Variants in NRXN1 observed in about 807,000 individuals in gnomAD.
NRXN1 encodes the protein neurexin 1.
In NRXN1, 39 loss-of-function variants were observed where a neutral mutation model predicts 150.9. The ratio of observed to expected loss-of-function variants is 0.26; its 90% CI spans 0.20 to 0.34. The LOEUF is 0.34. Ranked by LOEUF, NRXN1 falls within the 10% of genes least tolerant of loss-of-function variation. The pLI is 1.00. For missense variants in NRXN1, 1,815 were observed against 1,949.9 expected (o/e 0.93, Z 1.30); for synonymous variants, 924 against 757.0 (o/e 1.22, Z -3.62).
intron 18 of NRXN1, among the ~76,000 whole-genome samples, chr2:50,116,818 G>A (rs1703135506): frequency 6.6e-6 from 1 of 152,070 alleles, no homozygotes; most frequent in South Asian, 2.1e-4. Flanking sequence ...CTCAAATACT[G>A]GACTTTAACT....
At chr2:50,083,982 G>T (rs554426394) in intron 19 of NRXN1, among the ~76,000 whole-genome samples, 1 of 152,202 alleles carries the variant, frequency 6.6e-6, no homozygotes, top group Non-Finnish European at 1.5e-5. Flanking sequence ...GTGCCGATTG[G>T]TGTATTCACA....
chr2:50,654,538 C>T (rs1301144431), intron 5 of NRXN1, among the ~76,000 whole-genome samples: 9 of 152,004 alleles, frequency 5.9e-5, no homozygotes, highest in Non-Finnish European at 7.4e-5. Context: ...CCTTTGGGTA[C>T]ATACCCAGTA....
At chr2:50,418,150 A>C (rs1447354038) in intron 17 of NRXN1, among the ~76,000 whole-genome samples, 1 of 151,988 alleles carries the variant, frequency 6.6e-6, no homozygotes, top group Non-Finnish European at 1.5e-5. Flanking sequence ...GTTATTTAGG[A>C]GATGAAACAA....
intron 17 of NRXN1, among the ~76,000 whole-genome samples, chr2:50,287,539 C>T (rs2072354247): frequency 1.3e-5 from 2 of 151,954 alleles, no homozygotes; most frequent in African/African-American, 4.8e-5. Flanking sequence ...TCTTATTTCC[C>T]TAAGATGGAA....
chr2:51,026,234 C>A, intron 2 of NRXN1: 2 of 651,048 alleles, frequency 3.1e-6, no homozygotes, highest in South Asian at 3.7e-5. Flanking sequence ...AATAATTCAC[C>A]TTTTTTCACC....
chr2:50,524,478 C>CATAA (rs201231040), intron 12 of NRXN1, among the ~76,000 whole-genome samples: 2,781 of 141,092 alleles, frequency 0.02, 32 homozygotes, highest in African/African-American at 0.035. Flanking sequence ...GAGTCCATCT[C>CATAA]ATAAATAAAT....
chr2:50,805,426 G>A (rs1667384762), intron 5 of NRXN1, among the ~76,000 whole-genome samples: 1 of 152,090 alleles, frequency 6.6e-6, no homozygotes, highest in African/African-American at 2.4e-5. Flanking sequence ...AGGCCGAGGT[G>A]GGCAGATCAC....
chr2:50,106,163 GTTTTAT>G (rs879916821), intron 18 of NRXN1, among the ~76,000 whole-genome samples: 3 of 151,394 alleles, frequency 2.0e-5, no homozygotes, highest in Non-Finnish European at 4.4e-5. Context: ...TATTTAAATT[GTTTTAT>G]TTTTATCTTA....
At chr2:50,687,686 T>A (rs1188695576) in intron 5 of NRXN1, among the ~76,000 whole-genome samples, 1 of 152,238 alleles carries the variant, frequency 6.6e-6, no homozygotes, top group Non-Finnish European at 1.5e-5. Context: ...ATTTTGAATA[T>A]GCAGAGGCTT....
chr2:50,175,096 G>A (rs556339177), intron 18 of NRXN1: 2 of 152,260 alleles, frequency 1.3e-5, no homozygotes, highest in Admixed American at 6.5e-5. Context: ...TCGAGCCAGT[G>A]CTAGCATCTA....
intron 2 of NRXN1, among the ~76,000 whole-genome samples, chr2:50,990,965 G>T (rs115260644): frequency 6.6e-6 from 1 of 151,934 alleles, no homozygotes; most frequent in Non-Finnish European, 1.5e-5. Context: ...CTATGTTCTG[G>T]ATCTGACATT....
chr2:50,982,265 C>A (rs896891530), intron 2 of NRXN1, among the ~76,000 whole-genome samples: 2 of 152,028 alleles, frequency 1.3e-5, no homozygotes, highest in Non-Finnish European at 2.9e-5. Flanking sequence ...TTCTGAAGAA[C>A]AAATCAAGAC....
chr2:50,655,078 A>G (rs1360491409), intron 5 of NRXN1, among the ~76,000 whole-genome samples: 2 of 152,010 alleles, frequency 1.3e-5, no homozygotes, highest in African/African-American at 4.8e-5. Flanking sequence ...GGGATTTTCC[A>G]ATATGCAGTT....
rs777287133 is a variant in NRXN1 at position 50,536,894 on chromosome 2, G to A, written c.2143+1359C>T. On this transcript the variant is annotated intron_variant, in intron 10 of 22. Coordinates refer to ENST00000401669, the MANE Select transcript of NRXN1 (RefSeq NM_001330078.2). ...TGTATTGACAATTCACAGAAATGCC[G>A]GTTAGGTACTATCATAAAGAGAATG... Among the ~76,000 whole-genome samples, 4 of 152,024 alleles carry A rather than the reference G, an allele frequency of 2.6e-5. No individual in the cohort carries two copies. In the East Asian group the frequency reaches 5.8e-4, roughly 22 times the overall value.
intron 17 of NRXN1, among the ~76,000 whole-genome samples, chr2:50,408,422 G>C (rs2082905064): frequency 6.6e-6 from 1 of 152,238 alleles, no homozygotes; most frequent in South Asian, 2.1e-4. Flanking sequence ...TTGGAGACCA[G>C]TGTTTTCCCA....
chr2:50,042,443 T>A (rs1196530904), intron 21 of NRXN1, among the ~76,000 whole-genome samples: 1 of 152,186 alleles, frequency 6.6e-6, no homozygotes, highest in Non-Finnish European at 1.5e-5. Flanking sequence ...TCTTCTGCCA[T>A]GATTGTAAGT....
chr2:50,149,427 C>G (rs917487439), intron 18 of NRXN1, among the ~76,000 whole-genome samples: 4 of 151,638 alleles, frequency 2.6e-5, no homozygotes, highest in African/African-American at 9.7e-5. Flanking sequence ...GGTGACAAAT[C>G]AAAATGGATA....
chr2:50,378,325 C>T (rs1488531546), intron 17 of NRXN1, among the ~76,000 whole-genome samples: 8 of 152,126 alleles, frequency 5.3e-5, no homozygotes, highest in Non-Finnish European at 1.0e-4. Flanking sequence ...ATGGGGTTAT[C>T]TCCTGATAAA....
chr2:50,906,928 G>C (rs1207659959), intron 5 of NRXN1, among the ~76,000 whole-genome samples: 1 of 151,938 alleles, frequency 6.6e-6, no homozygotes, highest in East Asian at 2.0e-4. Context: ...GAAGGAAATT[G>C]GAAAAGCCTC....
Sources: gnomAD v4.1 joint callset for allele counts (sites outside exome capture counted in the v4.1 genomes callset) on GRCh38, gnomAD v4.1.1 for gene constraint, MANE v1.5 for transcripts, NCBI Gene and HGNC (gene_info 2026-07-23, HGNC 2026-07-21) for gene names.